The following CDH13 variants were observed in gnomAD, a reference collection of about 807,000 sequenced individuals.
CDH13 encodes the protein cadherin 13.
In CDH13, 24 loss-of-function variants were observed where a neutral mutation model predicts 63.8. The ratio of observed to expected loss-of-function variants is 0.38; its 90% CI spans 0.27 to 0.53. The LOEUF (loss-of-function observed/expected upper bound fraction) is 0.53, where lower values mean the gene tolerates loss of function less well. CDH13 is among the 20% of genes least tolerant of loss of function. CDH13 has a pLI of 0.85. For synonymous variants in CDH13, 503 were observed against 355.3 expected (o/e 1.42, Z -4.67); for missense variants, 1,049 against 903.1 (o/e 1.16, Z -2.07).
At chr16:82,689,008 A>G (rs1915366161) in intron 1 of CDH13, 1 of 152,188 alleles carries the variant, frequency 6.6e-6, no homozygotes, top group South Asian at 2.1e-4. Flanking sequence ...ATCTTGCCAT[A>G]ATGGTATGCC....
intron 5 of CDH13, among the ~76,000 whole-genome samples, chr16:83,276,730 G>C: frequency 6.6e-6 from 1 of 152,076 alleles, no homozygotes; most frequent in East Asian, 1.9e-4. Context: ...AATTACCTTG[G>C]CATGGTGACA....
chr16:83,506,930 G>C (rs987839226), intron 7 of CDH13, among the ~76,000 whole-genome samples: 6 of 152,172 alleles, frequency 3.9e-5, no homozygotes, highest in Admixed American at 2.0e-4. Context: ...CATCCTGACT[G>C]AACTACACAG....
At chr16:83,171,717 T>G in intron 4 of CDH13, 1 of 669,608 alleles carries the variant, frequency 1.5e-6, no homozygotes, top group South Asian at 1.7e-5. Context: ...CCCCAGAACC[T>G]CTTCGTCTTT....
chr16:82,819,292 G>C (rs997974738), intron 1 of CDH13, among the ~76,000 whole-genome samples: 5 of 152,176 alleles, frequency 3.3e-5, no homozygotes, highest in Non-Finnish European at 7.4e-5. Context: ...TAACTTTCCA[G>C]ATAAAGGAGG....
At chr16:83,533,537 C>G (rs887560995) in intron 7 of CDH13, among the ~76,000 whole-genome samples, 1 of 151,822 alleles carries the variant, frequency 6.6e-6, no homozygotes, top group African/African-American at 2.4e-5. Flanking sequence ...AAGGACCCAG[C>G]ACAAGGAGGT....
At chr16:83,565,124 G>C (rs1368144935) in intron 7 of CDH13, among the ~76,000 whole-genome samples, 1 of 152,088 alleles carries the variant, frequency 6.6e-6, no homozygotes, top group African/African-American at 2.4e-5. Context: ...CATGTTTGTA[G>C]TTCTCCAATA....
At chr16:83,021,796 T>C (rs995814500) in intron 2 of CDH13, among the ~76,000 whole-genome samples, 13 of 152,300 alleles carry the variant, frequency 8.5e-5, no homozygotes, top group South Asian at 8.3e-4. Flanking sequence ...CAGAACCTTA[T>C]AGAAGCTCTG....
intron 6 of CDH13, among the ~76,000 whole-genome samples, chr16:83,415,145 C>T (rs1240678539): frequency 6.7e-6 from 1 of 148,220 alleles, no homozygotes; most frequent in South Asian, 2.2e-4. Flanking sequence ...AGTTCCCTGC[C>T]AAAAAAAATG....
Position 83,783,283 on chromosome 16 carries a change from A to C in CDH13, c.1945A>C (p.Asn649His). The C allele has an allele frequency of 6.2e-7, 1 of 1,613,994 alleles. No individual in the cohort carries two copies. The highest frequency in any genetic ancestry group is 8.5e-7 in the Non-Finnish European group (1 of 1,179,874). ...ACACGCCCTGGTAAGCCTTCTTCAA[A>C]ATCTGAACAAAGCAAACTACAACCT... ...NTHALVSLLQNLNKANYNLPI... is the reference protein window; with the variant it reads ...NTHALVSLLQHLNKANYNLPI... The change falls in exon 13 of 14, where the codon AAT becomes CAT. Residue 649 changes from asparagine (N) to histidine (H), a missense_variant. By Grantham distance (68) the Asn-to-His change is moderately conservative (BLOSUM62 1). Coordinates refer to ENST00000567109, the MANE Select transcript of CDH13 (RefSeq NM_001257.5).
At chr16:82,899,149 C>G (rs2041371745) in intron 2 of CDH13, among the ~76,000 whole-genome samples, 1 of 152,220 alleles carries the variant, frequency 6.6e-6, no homozygotes, top group African/African-American at 2.4e-5. Context: ...ACTGCAAGCT[C>G]AGTCCACAGG....
rs1225189513 is a variant in CDH13, at chr16:83,743,762, TTTTTTC to T, written c.1539-4342_1539-4337del. ...TTTTCTTTTTTCTTTTTTTTTTTTTTTTTTTCTTTGCTTTTTCCATCCCCATGATTG... is the reference window on the plus strand; with the variant it reads ...TTTTCTTTTTTCTTTTTTTTTTTTTTTTTGCTTTTTCCATCCCCATGATTG... On this transcript the variant is annotated intron_variant, in intron 10 of 13. Transcript: ENST00000567109. Among the ~76,000 whole-genome samples the T allele has an allele frequency of 2.3e-3, 306 of 134,260 alleles. 6 individuals carry two copies. The highest frequency in any genetic ancestry group is 7.9e-3 in the African/African-American group (284 of 35,972). The allele number at this position is 134,260 out of a possible 152,430, so 88.1% of individuals were successfully genotyped here. A position where few individuals can be genotyped will look rare whatever the true frequency, so the allele number is the denominator to read the frequency against.
At chr16:82,795,721 G>C (rs914772470) in intron 1 of CDH13, among the ~76,000 whole-genome samples, 1 of 152,076 alleles carries the variant, frequency 6.6e-6, no homozygotes, top group Non-Finnish European at 1.5e-5. Flanking sequence ...TCCTAATCCA[G>C]CTCACTTCTG....
intron 10 of CDH13, among the ~76,000 whole-genome samples, chr16:83,691,923 C>A (rs948044466): frequency 6.6e-6 from 1 of 152,204 alleles, no homozygotes; most frequent in Non-Finnish European, 1.5e-5. Flanking sequence ...CATTAGATCA[C>A]CCCTCATTTC....
At chr16:83,733,970 G>C (rs1911290481) in intron 10 of CDH13, among the ~76,000 whole-genome samples, 1 of 152,182 alleles carries the variant, frequency 6.6e-6, no homozygotes, top group South Asian at 2.1e-4. Flanking sequence ...CTGAAGCAGA[G>C]CACCAGACTA....
At chr16:83,747,253 C>G (rs964408837) in intron 10 of CDH13, among the ~76,000 whole-genome samples, 1 of 152,104 alleles carries the variant, frequency 6.6e-6, no homozygotes, top group Admixed American at 6.5e-5. Context: ...CTTGAATTCC[C>G]ACATATTATG....
chr16:82,956,198 G>A (rs1906068927), intron 2 of CDH13, among the ~76,000 whole-genome samples: 1 of 151,894 alleles, frequency 6.6e-6, no homozygotes, highest in Admixed American at 6.6e-5. Context: ...CGGTGTTTCT[G>A]TAGGCTTCTC....
At chr16:83,457,602 A>G (rs2073058461) in intron 6 of CDH13, among the ~76,000 whole-genome samples, 1 of 152,156 alleles carries the variant, frequency 6.6e-6, no homozygotes, top group African/African-American at 2.4e-5. Context: ...TGACATCCAC[A>G]GTAGCAATAA....
intron 2 of CDH13, among the ~76,000 whole-genome samples, chr16:82,936,654 G>A (rs547070796): frequency 6.6e-6 from 1 of 152,288 alleles, no homozygotes; most frequent in Non-Finnish European, 1.5e-5. Flanking sequence ...CCCGAGTGGT[G>A]ATGCTACTTT....
At chr16:83,053,016 A>T (rs1344957083) in intron 3 of CDH13, among the ~76,000 whole-genome samples, 1 of 152,166 alleles carries the variant, frequency 6.6e-6, no homozygotes, top group East Asian at 1.9e-4. Flanking sequence ...TTTGGGACAC[A>T]TTCTTTTCGA....
Sources: gnomAD v4.1 joint callset for allele counts (sites outside exome capture counted in the v4.1 genomes callset) on GRCh38, gnomAD v4.1.1 for gene constraint, MANE v1.5 for transcripts, NCBI Gene and HGNC (gene_info 2026-07-23, HGNC 2026-07-21) for gene names.